B3GLCT: variants seen among roughly 807,000 people sequenced by gnomAD.
B3GLCT encodes beta 3-glucosyltransferase.
B3GLCT carries 65 observed loss-of-function variants against 63.4 expected under a neutral mutation model. The observed-to-expected ratio is 1.03, with a 90% CI of 0.84 to 1.26. The LOEUF (loss-of-function observed/expected upper bound fraction) is 1.26. Ranked by LOEUF, B3GLCT falls within the 50% of genes most tolerant of loss-of-function variation. The pLI, the probability that B3GLCT is intolerant of heterozygous loss-of-function variation, is 0.00. For missense variants in B3GLCT, 577 were observed against 604.8 expected, an observed-to-expected ratio of 0.95 and a Z score of 0.48; for synonymous variants, 233 against 219.2, an observed-to-expected ratio of 1.06 and a Z score of -0.55.
At chr13:31,274,159 G>C (rs1303511076) in intron 8 of B3GLCT, among the ~76,000 whole-genome samples, 1 of 152,068 alleles carries the variant, frequency 6.6e-6, no homozygotes, top group Non-Finnish European at 1.5e-5. Context: ...TGAGTATTTG[G>C]GGTATGTGAT....
At chr13:31,281,192 A>C (rs1172708794) in intron 10 of B3GLCT, among the ~76,000 whole-genome samples, 1 of 152,112 alleles carries the variant, frequency 6.6e-6, no homozygotes, top group African/African-American at 2.4e-5. Context: ...CTAATTAAAG[A>C]GGTTAAATTG....
At chr13:31,250,425 C>G (rs568138533) in intron 6 of B3GLCT, among the ~76,000 whole-genome samples, 2 of 152,186 alleles carry the variant, frequency 1.3e-5, no homozygotes, top group African/African-American at 4.8e-5. Context: ...CTGCCTGCCT[C>G]GGCCTCCCAA....
chr13:31,200,889 A>ACGT (rs1868627872), intron 1 of B3GLCT, among the ~76,000 whole-genome samples: 1 of 152,054 alleles, frequency 6.6e-6, no homozygotes, highest in African/African-American at 2.4e-5. Flanking sequence ...ATCAGGGGAC[A>ACGT]CGTCTGCGAG....
intron 1 of B3GLCT, among the ~76,000 whole-genome samples, chr13:31,201,676 G>A (rs1431940205): frequency 3.3e-5 from 5 of 152,154 alleles, no homozygotes; most frequent in Non-Finnish European, 7.3e-5. Context: ...TGCTGTACTG[G>A]GGGTATAATA....
chr13:31,251,083 C>T (rs1217752964), intron 6 of B3GLCT, among the ~76,000 whole-genome samples: 2 of 152,254 alleles, frequency 1.3e-5, no homozygotes, highest in African/African-American at 4.8e-5. Context: ...GGATCTGGAA[C>T]GGATCTCCAG....
chr13:31,271,101 A>T (rs1454178764), intron 8 of B3GLCT, among the ~76,000 whole-genome samples: 1 of 152,206 alleles, frequency 6.6e-6, no homozygotes, highest in Non-Finnish European at 1.5e-5. Flanking sequence ...CCTCCAGTCC[A>T]CTGCAGGCAT....
At position 31,317,541 on chromosome 13, in the gene B3GLCT, A is replaced by G. The variant is rs1336595919; in HGVS notation, c.1065-25A>G. The stretch of plus-strand genomic sequence containing the variant: ...ACCACGTTTGAATCAAATAATCATG[A>G]TTTGTGTTCCCTTTGGCATCTCAGT... On this transcript the variant is annotated intron_variant, in intron 12 of 14. Transcript: ENST00000343307. 1.9e-6 allele frequency: 3 copies of G among 1,613,516 alleles called. No homozygotes were observed. In the African/African-American group the frequency reaches 4.0e-5, roughly 22 times the overall value.
intron 11 of B3GLCT, among the ~76,000 whole-genome samples, chr13:31,286,082 T>G (rs1873316850): frequency 6.6e-6 from 1 of 152,224 alleles, no homozygotes; most frequent in Admixed American, 6.5e-5. Context: ...TTCCTGTTTA[T>G]CAATTTGACT....
chr13:31,329,301 T>G (rs1364703400), intron 14 of B3GLCT, among the ~76,000 whole-genome samples, 200 bp from the exon 15 acceptor site: 1 of 152,152 alleles, frequency 6.6e-6, no homozygotes, highest in Admixed American at 6.5e-5. Context: ...TTTGGGGTAT[T>G]AAGGTAATTG....
At chr13:31,240,379 A>T (rs1370114624) in intron 4 of B3GLCT, among the ~76,000 whole-genome samples, 1 of 151,962 alleles carries the variant, frequency 6.6e-6, no homozygotes, top group African/African-American at 2.4e-5. Context: ...CATAATCTCA[A>T]CTTTACAAAT....
intron 10 of B3GLCT, among the ~76,000 whole-genome samples, 176 bp from the exon 11 acceptor site, chr13:31,284,472 G>A (rs1363810500): frequency 6.6e-6 from 1 of 152,160 alleles, no homozygotes; most frequent in Non-Finnish European, 1.5e-5. Context: ...TTCAAGAAGA[G>A]GGTTTTAGTC....
In B3GLCT at chr13:31,309,434, G is replaced by A. The variant is rs554072290; in HGVS notation, c.1065-8132G>A. On this transcript the variant is annotated intron_variant, in intron 12 of 14. Transcript: ENST00000343307. ...ATAGCCTTAGATCCCACAGGTTGAC[G>A]GCTCAGTCCCCAAGACTGCTTCCCC... is the stretch of plus-strand genomic sequence containing the variant. Among the ~76,000 whole-genome samples, 333 of 152,234 alleles carry A rather than the reference G, an allele frequency of 2.2e-3. 2 individuals carry two copies. Among genetic ancestry groups the A allele is most frequent in the African/African-American group, 7.3e-3 (304 of 41,532 alleles).
At position 31,323,744 on chromosome 13, in the gene B3GLCT, C is replaced by T; in HGVS notation, c.1185-7C>T. The T allele has an allele frequency of 6.2e-7, 1 of 1,614,074 alleles. No individual in the cohort carries two copies. On this transcript the variant is annotated splice_polypyrimidine_tract_variant and splice_region_variant and intron_variant, in intron 13 of 14. Transcript: ENST00000343307. ...CTAACCCCTTTCTCTGCTCTGGCTC[C>T]CACTAGAATGGTCTTCAGCAGAGAA...
At chr13:31,298,654 C>T (rs1250044300) in intron 12 of B3GLCT, among the ~76,000 whole-genome samples, 3 of 152,230 alleles carry the variant, frequency 2.0e-5, no homozygotes, top group African/African-American at 7.2e-5. Flanking sequence ...AATGTTTCCA[C>T]CTTTGGAAGA....
intron 1 of B3GLCT, among the ~76,000 whole-genome samples, chr13:31,208,634 T>A (rs1216895755): frequency 1.3e-4 from 8 of 60,616 alleles, no homozygotes; most frequent in African/African-American, 4.4e-4. Context: ...CCCCCCCCGC[T>A]CACTGCCACC....
rs189489349 is a variant in B3GLCT at position 31,275,216 on chromosome 13, A to G, written c.780+588A>G. Among the ~76,000 whole-genome samples the G allele has an allele frequency of 5.6e-3, 856 of 152,360 alleles. 13 individuals are homozygous for G. Among genetic ancestry groups the G allele is most frequent in the African/African-American group, 0.02 (812 of 41,578 alleles). ...TCCCTGTGCCAAGTAAGAACTATAT[A>G]TCATGACTCTAGTAATAACAATCAT... On this transcript the variant is annotated intron_variant, in intron 9 of 14. Transcript: ENST00000343307.
chr13:31,280,917 T>G (rs1873038629), intron 10 of B3GLCT, among the ~76,000 whole-genome samples: 1 of 152,164 alleles, frequency 6.6e-6, no homozygotes, highest in Non-Finnish European at 1.5e-5. Context: ...ACTTGAGAAC[T>G]GTTACATAAG....
At chr13:31,218,018 C>A (rs1236351702) in intron 2 of B3GLCT, among the ~76,000 whole-genome samples, 1 of 151,978 alleles carries the variant, frequency 6.6e-6, no homozygotes, top group African/African-American at 2.4e-5. Context: ...TTGCTTTGGG[C>A]AATATGGCCA....
intron 4 of B3GLCT, among the ~76,000 whole-genome samples, chr13:31,237,074 C>T (rs565703246): frequency 2.7e-5 from 4 of 150,868 alleles, no homozygotes; most frequent in Admixed American, 2.0e-4. Context: ...CGCAGTGACC[C>T]GAGATCGCAC....
Sources: allele counts gnomAD v4.1 joint callset (sites outside exome capture counted in the v4.1 genomes callset), GRCh38; gene constraint gnomAD v4.1.1; transcripts MANE v1.5; gene names NCBI Gene and HGNC (gene_info 2026-07-23, HGNC 2026-07-21).